NPLOC4: variants seen among roughly 807,000 people sequenced by gnomAD.
NPLOC4 encodes NPL4 homolog, ubiquitin recognition factor.
In NPLOC4, 18 loss-of-function variants were observed where a neutral mutation model predicts 80.6. The ratio of observed to expected loss-of-function variants is 0.22; its 90% CI spans 0.15 to 0.33. NPLOC4 has a LOEUF of 0.33. Ranked by LOEUF, NPLOC4 falls within the 10% of genes least tolerant of loss-of-function variation. The pLI is 1.00. For missense variants in NPLOC4, 540 were observed against 786.1 expected, an observed-to-expected ratio of 0.69 and a Z score of 3.74; for synonymous variants, 313 against 301.5, an observed-to-expected ratio of 1.04 and a Z score of -0.39.
chr17:81,582,102 C>G (rs1434503017), intron 12 of NPLOC4, among the ~76,000 whole-genome samples: 1 of 152,220 alleles, frequency 6.6e-6, no homozygotes, highest in African/African-American at 2.4e-5. Flanking sequence ...AAACATGGAG[C>G]ATAGACAGAG....
In NPLOC4 at chr17:81,597,640, T is replaced by C. The variant is rs550001402; in HGVS notation, c.922-324A>G. ...TCTCTACTAAAAATACAAAATTAGT[T>C]GGGGTGGTGGCGCATGCCTGTAATC... On this transcript the variant is annotated intron_variant, in intron 9 of 16. Transcript: ENST00000331134. Among the ~76,000 whole-genome samples, 17 of 151,264 alleles carry C rather than the reference T, an allele frequency of 1.1e-4. No individual in the cohort carries two copies. The East Asian group carries it at 3.3e-3, about 30-fold the overall frequency.
chr17:81,602,448 T>C (rs2035081884), intron 8 of NPLOC4, among the ~76,000 whole-genome samples: 1 of 152,016 alleles, frequency 6.6e-6, no homozygotes, highest in Admixed American at 6.6e-5. Context: ...CTCACGCCTA[T>C]AATCCCAACA....
intron 13 of NPLOC4, among the ~76,000 whole-genome samples, chr17:81,570,732 G>C (rs2034141390): frequency 6.6e-6 from 1 of 152,190 alleles, no homozygotes; most frequent in African/African-American, 2.4e-5. Flanking sequence ...CCATCCCAAG[G>C]TTTAAGAACC....
At chr17:81,591,269 T>C (rs1425140314) in intron 11 of NPLOC4, among the ~76,000 whole-genome samples, 3 of 151,732 alleles carry the variant, frequency 2.0e-5, no homozygotes, top group Admixed American at 6.6e-5. Context: ...ACCCTGTCTC[T>C]ACTAAAAATA....
At chr17:81,626,017 T>C (rs1478654898) in intron 2 of NPLOC4, among the ~76,000 whole-genome samples, 1 of 151,680 alleles carries the variant, frequency 6.6e-6, no homozygotes, top group Non-Finnish European at 1.5e-5. Flanking sequence ...GGTGTGGTGG[T>C]GCACCCCTGT....
At chr17:81,581,039 G>A (rs898199488) in intron 12 of NPLOC4, among the ~76,000 whole-genome samples, 2 of 152,176 alleles carry the variant, frequency 1.3e-5, no homozygotes, top group African/African-American at 4.8e-5. Context: ...GGCTGAAGGA[G>A]AAGAAAATAG....
At chr17:81,600,512 G>T in intron 8 of NPLOC4, 85 bp from the exon 9 acceptor site, 2 of 990,702 alleles carry the variant, frequency 2.0e-6, no homozygotes. Context: ...CCAGCTCTAG[G>T]TCACAAGGAG....
chr17:81,605,428 T>C (rs563708137), intron 7 of NPLOC4, among the ~76,000 whole-genome samples: 1 of 151,870 alleles, frequency 6.6e-6, no homozygotes, highest in South Asian at 2.1e-4. Context: ...GGCGGATCTC[T>C]TGAGTCCAGG....
rs574227721 is a variant in NPLOC4, at chr17:81,633,227, T to C, written c.16-3422A>G. Among the ~76,000 whole-genome samples, 17 of 152,122 alleles carry C rather than the reference T, an allele frequency of 1.1e-4. No individual in the cohort carries two copies. In the South Asian group the frequency reaches 3.3e-3, roughly 30 times the overall value. On this transcript the variant is annotated intron_variant, in intron 1 of 16. Transcript: ENST00000331134. ...ATACCCCAGAAAAACGTTTTCACAA[T>C]ATATAGCATTAGGTAAATACTTCCA...
At chr17:81,587,561 C>T (rs1489263752) in intron 12 of NPLOC4, among the ~76,000 whole-genome samples, 4 of 149,064 alleles carry the variant, frequency 2.7e-5, no homozygotes, top group Non-Finnish European at 4.4e-5. Flanking sequence ...GTGATCCGCC[C>T]GCCTCAGCCT....
intron 15 of NPLOC4, among the ~76,000 whole-genome samples, chr17:81,566,021 C>T (rs537392928): frequency 1.7e-4 from 26 of 152,268 alleles, no homozygotes; most frequent in African/African-American, 6.3e-4. Flanking sequence ...CCTAGCCTTC[C>T]GAGTCAAACT....
At chr17:81,584,963 A>C (rs565234716) in intron 12 of NPLOC4, among the ~76,000 whole-genome samples, 1 of 151,904 alleles carries the variant, frequency 6.6e-6, no homozygotes, top group Admixed American at 6.6e-5. Flanking sequence ...TGAGCTCAGG[A>C]GTTCATGACC....
chr17:81,629,871 T>A, intron 1 of NPLOC4, 66 bp from the exon 2 acceptor site: 1 of 1,192,404 alleles, frequency 8.4e-7, no homozygotes, highest in Non-Finnish European at 1.2e-6. Context: ...TACTACGGCT[T>A]CCATCTGTGG....
chr17:81,569,583 C>T (rs1404409821), intron 13 of NPLOC4, among the ~76,000 whole-genome samples: 12 of 152,226 alleles, frequency 7.9e-5, no homozygotes, highest in South Asian at 2.1e-4. Flanking sequence ...AATCAGCCAG[C>T]TTTCAAGACA....
intron 12 of NPLOC4, among the ~76,000 whole-genome samples, chr17:81,574,509 T>C (rs537814069): frequency 9.2e-5 from 14 of 152,154 alleles, no homozygotes; most frequent in Non-Finnish European, 2.1e-4. Context: ...AAATGTCAGT[T>C]GGAATGCGCT....
chr17:81,608,628 TC>T, intron 6 of NPLOC4, 99 bp downstream of exon 6: 2 of 817,746 alleles, frequency 2.4e-6, no homozygotes, highest in Non-Finnish European at 4.1e-6. Flanking sequence ...CCCCTTCTCA[TC>T]TTTACTTCTC....
At chr17:81,565,912 T>A (rs1162209941) in intron 15 of NPLOC4, among the ~76,000 whole-genome samples, 3 of 152,334 alleles carry the variant, frequency 2.0e-5, no homozygotes, top group East Asian at 3.9e-4. Flanking sequence ...GAGGCTGGGA[T>A]GGAGGGCGGA....
At position 81,559,327 on chromosome 17, in the gene NPLOC4, G is replaced by A; in HGVS notation, c.1759C>T (p.Gln587Ter). ...HTATAAMWAC[Q>*]HCTFMNQPGT... is the part of the protein sequence containing the mutation. ...GGCTGGTTCATGAACGTGCAGTGCT[G>A]ACAGGCCCACATGGCTGCAGTGGCC... The change falls in exon 17 of 17, where the codon CAG (glutamine) becomes TAG (stop). Residue 587 changes from glutamine to a stop codon, truncating the protein, a stop_gained. Coordinates refer to ENST00000331134, the MANE Select transcript of NPLOC4 (RefSeq NM_017921.4). LOFTEE classifies it high-confidence loss of function. 1 of 1,606,760 alleles carries A rather than the reference G, an allele frequency of 6.2e-7. No individual in the cohort carries two copies. Among genetic ancestry groups the A allele is most frequent in the Non-Finnish European group, 8.5e-7 (1 of 1,177,124 alleles).
Position 81,572,353 on chromosome 17 carries a change from T to G in NPLOC4, c.1282-265A>C, listed in dbSNP as rs1048666031. Among the ~76,000 whole-genome samples the G allele has an allele frequency of 5.3e-5, 8 of 151,686 alleles. No individual in the cohort carries two copies. The highest frequency in any genetic ancestry group is 1.0e-4 in the Non-Finnish European group (7 of 67,956). ...ACAGGCGCCCGCCACCACGCCCGGC[T>G]AATTTTTTTTGTATTTTTTAGTAGA... On this transcript the variant is annotated intron_variant, in intron 12 of 16. Transcript: ENST00000331134. The surrounding 1 kb of genome is among the most constrained non-coding windows in gnomAD (Gnocchi z 4.5).
Sources: allele counts gnomAD v4.1 joint callset (sites outside exome capture counted in the v4.1 genomes callset), GRCh38; gene constraint gnomAD v4.1.1; non-coding constraint Gnocchi (gnomAD v3.1); transcripts MANE v1.5; gene names NCBI Gene and HGNC (gene_info 2026-07-23, HGNC 2026-07-21).